The following GAPVD1 variants were observed in gnomAD, a reference collection of about 807,000 sequenced individuals.
The protein encoded by GAPVD1 is GTPase-activating protein and VPS9 domain-containing protein 1.
Under a neutral mutation model 155.5 loss-of-function variants are expected in GAPVD1, and 35 were observed. That is an observed-to-expected ratio of 0.23 (90% confidence interval 0.17 to 0.30). The LOEUF (loss-of-function observed/expected upper bound fraction) is 0.30, where lower values mean the gene tolerates loss of function less well. Among genes scored for constraint, GAPVD1 ranks in the 10% least tolerant of loss-of-function variants. GAPVD1 has a pLI of 1.00. For synonymous variants in GAPVD1, 636 were observed against 619.7 expected, an observed-to-expected ratio of 1.03 and a Z score of -0.39; for missense variants, 1,429 against 1,775.7, an observed-to-expected ratio of 0.80 and a Z score of 3.51.
intron 21 of GAPVD1, 39 bp downstream of exon 21, chr9:125,349,558 C>T (rs755283030): frequency 1.3e-6 from 2 of 1,584,730 alleles, no homozygotes; most frequent in Admixed American, 3.4e-5. Flanking sequence ...AGGGTTTGGA[C>T]TTTTCAGCAC....
chr9:125,321,367 C>T, intron 9 of GAPVD1, 66 bp from the exon 10 acceptor site: 3 of 1,131,544 alleles, frequency 2.7e-6, no homozygotes, highest in Non-Finnish European at 3.9e-6. Flanking sequence ...TATGCATTTG[C>T]TGTGGTTTGT....
intron 2 of GAPVD1, among the ~76,000 whole-genome samples, chr9:125,281,197 A>G (rs916961761): frequency 2.0e-5 from 3 of 152,192 alleles, no homozygotes; most frequent in African/African-American, 7.2e-5. Flanking sequence ...GATTGTGATA[A>G]TTACAGTGTT....
chr9:125,304,975 A>C, intron 5 of GAPVD1, 88 bp from the exon 6 acceptor site: 1 of 811,868 alleles, frequency 1.2e-6, no homozygotes, highest in Non-Finnish European at 2.1e-6. Flanking sequence ...GATTTTTAGA[A>C]CAGAATAGAC....
Position 125,337,510 on chromosome 9 carries a change from T to C in GAPVD1, c.2796T>C (p.Ala932=). Residue 932 remains alanine, a synonymous_variant, in exon 17 of 28, where the codon GCT becomes GCC. Coordinates refer to ENST00000297933, the MANE Select transcript of GAPVD1 (RefSeq NM_001282680.3). The stretch of plus-strand genomic sequence containing the variant: ...ATGAAGAGCGAGAACTCCCTCCAGC[T>C]GCAGCCATTGGTGCTACTTCTTTGG... ...PGNEERELPP[A]AAIGATSLVA... 6.2e-7 allele frequency: 1 copy of C among 1,614,186 alleles called. No homozygotes were observed. The highest frequency in any genetic ancestry group is 8.5e-7 in the Non-Finnish European group (1 of 1,179,996).
At position 125,346,642 on chromosome 9, in the gene GAPVD1, C is replaced by T. The variant is rs1270723012; in HGVS notation, c.3047-177C>T. ...CAATTTCCTGCTTTGGCAAGGCTCT[C>T]AGACCTAGAAATGGGATGAGTAGGC... On this transcript the variant is annotated intron_variant, in intron 19 of 27. Coordinates refer to ENST00000297933, the MANE Select transcript of GAPVD1 (RefSeq NM_001282680.3). 3 of 655,328 alleles carry T rather than the reference C, an allele frequency of 4.6e-6. No individual in the cohort carries two copies. In the African/African-American group the frequency reaches 5.3e-5, roughly 12 times the overall value. 40.6% of individuals were successfully genotyped at this position (655,328 alleles called of 1,614,324 possible). A position where few individuals can be genotyped will look rare whatever the true frequency, so the allele number is the denominator to read the frequency against.
chr9:125,351,895 C>T (rs113231156), intron 23 of GAPVD1, among the ~76,000 whole-genome samples: 1 of 152,206 alleles, frequency 6.6e-6, no homozygotes, highest in East Asian at 1.9e-4. Context: ...CATGCGCCAC[C>T]ACGCCTGGCT....
At chr9:125,293,170 G>A (rs1158631728) in intron 2 of GAPVD1, among the ~76,000 whole-genome samples, 1 of 152,252 alleles carries the variant, frequency 6.6e-6, no homozygotes, top group Non-Finnish European at 1.5e-5. Flanking sequence ...TGAGTTTGGA[G>A]TCTAGGAACC....
chr9:125,362,464 T>G lies in GAPVD1; in HGVS notation c.4243-142T>G, dbSNP rs533092436. On this transcript the variant is annotated intron_variant, in intron 27 of 27. Coordinates refer to ENST00000297933, the MANE Select transcript of GAPVD1 (RefSeq NM_001282680.3). Reference sequence around the variant, plus strand: ...CTCATGGAAACTAGGGTTCACAGATTACTTCCAAAAAATAACTTTGGGGTT... The same window carrying G: ...CTCATGGAAACTAGGGTTCACAGATGACTTCCAAAAAATAACTTTGGGGTT... 2.6e-5 allele frequency: 17 copies of G among 656,674 alleles called. No individual in the cohort carries two copies. In the South Asian group the frequency reaches 3.0e-4, roughly 11 times the overall value. The allele number at this position is 656,674 out of a possible 1,614,324, so 40.7% of individuals were successfully genotyped here. A position where few individuals can be genotyped will look rare whatever the true frequency, so the allele number is the denominator to read the frequency against.
At chr9:125,292,862 C>T (rs186146198) in intron 2 of GAPVD1, among the ~76,000 whole-genome samples, 1 of 152,172 alleles carries the variant, frequency 6.6e-6, no homozygotes, top group East Asian at 1.9e-4. Flanking sequence ...GCTCTCCTGA[C>T]TTCTGCAGAT....
At chr9:125,330,410 C>T (rs960397001) in intron 13 of GAPVD1, among the ~76,000 whole-genome samples, 192 bp downstream of exon 13, 2 of 151,726 alleles carry the variant, frequency 1.3e-5, no homozygotes, top group African/African-American at 4.9e-5. Context: ...CCTCTGCCTC[C>T]TGGGTTCAAG....
intron 9 of GAPVD1, among the ~76,000 whole-genome samples, chr9:125,321,062 C>T (rs992039488): frequency 3.3e-5 from 5 of 152,148 alleles, no homozygotes; most frequent in African/African-American, 1.2e-4. Context: ...GATGAAGAAA[C>T]TGAGGCTTAG....
chr9:125,319,697 G>A (rs1258781510), intron 9 of GAPVD1, among the ~76,000 whole-genome samples: 1 of 151,774 alleles, frequency 6.6e-6, no homozygotes, highest in East Asian at 1.9e-4. Flanking sequence ...CACCTCCCGG[G>A]TTCAAGCGAT....
At chr9:125,300,868 G>T (rs921985230) in intron 4 of GAPVD1, among the ~76,000 whole-genome samples, 2 of 151,712 alleles carry the variant, frequency 1.3e-5, no homozygotes, top group African/African-American at 4.8e-5. Context: ...ACATCTTTTA[G>T]GCTTATTTTA....
rs1851149534 is a variant in GAPVD1, at chr9:125,362,950, A to G, written c.*204A>G. 2.9e-6 allele frequency: 1 copy of G among 346,522 alleles called. No individual in the cohort carries two copies. Among genetic ancestry groups the G allele is most frequent in the Admixed American group, 4.8e-5 (1 of 20,832 alleles). The allele number at this position is 346,522 out of a possible 1,614,324, so 21.5% of individuals were successfully genotyped here. A position where few individuals can be genotyped will look rare whatever the true frequency, so the allele number is the denominator to read the frequency against. ...TTGGGCTCTTTCCTTTCTGAGTTGCATATTCTATTTTCTTGTCCCCAAGTA... is the reference window on the plus strand; with the variant it reads ...TTGGGCTCTTTCCTTTCTGAGTTGCGTATTCTATTTTCTTGTCCCCAAGTA... On this transcript the variant is annotated 3_prime_UTR_variant, in exon 28 of 28. Coordinates refer to ENST00000297933, the MANE Select transcript of GAPVD1 (RefSeq NM_001282680.3).
chr9:125,315,012 C>T (rs983115717), intron 9 of GAPVD1, among the ~76,000 whole-genome samples: 3 of 152,080 alleles, frequency 2.0e-5, no homozygotes, highest in Non-Finnish European at 4.4e-5. Context: ...TAGTCTCGAT[C>T]TCCTGACCTC....
chr9:125,319,550 C>T (rs1483347727), intron 9 of GAPVD1, among the ~76,000 whole-genome samples: 1 of 147,810 alleles, frequency 6.8e-6, no homozygotes, highest in Non-Finnish European at 1.5e-5. Context: ...AGGTGTGTGC[C>T]ACGACGCCTG....
At chr9:125,294,287 C>T (rs545590838) in intron 2 of GAPVD1, among the ~76,000 whole-genome samples, 20 of 151,618 alleles carry the variant, frequency 1.3e-4, no homozygotes, top group Middle Eastern at 3.4e-3. Flanking sequence ...GTGATCCACC[C>T]GCCTCCACCT....
chr9:125,312,633 TA>T, intron 9 of GAPVD1, 21 bp downstream of exon 9: 1 of 1,553,242 alleles, frequency 6.4e-7, no homozygotes, highest in South Asian at 1.2e-5. Flanking sequence ...GTTGCTTCTA[TA>T]AATCAATATT....
chr9:125,318,846 C>G (rs921106831), intron 9 of GAPVD1, among the ~76,000 whole-genome samples: 1 of 151,914 alleles, frequency 6.6e-6, no homozygotes, highest in African/African-American at 2.4e-5. Context: ...TCCAGGACTT[C>G]AAGACCAGCC....
Sources: allele counts gnomAD v4.1 joint callset (sites outside exome capture counted in the v4.1 genomes callset), GRCh38; gene constraint gnomAD v4.1.1; transcripts MANE v1.5; gene names NCBI Gene and HGNC (gene_info 2026-07-23, HGNC 2026-07-21).